The following KLF17 variants were observed in gnomAD, a reference collection of about 807,000 sequenced individuals.
KLF17 encodes the protein KLF transcription factor 17, also known as Krueppel-like factor 17.
Under a neutral mutation model 34.2 loss-of-function variants are expected in KLF17, and 31 were observed. The observed-to-expected ratio is 0.91, with a 90% confidence interval of 0.68 to 1.22. The LOEUF (loss-of-function observed/expected upper bound fraction) is 1.22, where lower values mean the gene tolerates loss of function less well. Among genes scored for constraint, KLF17 ranks in the 50% most tolerant of loss-of-function variants. KLF17 has a pLI of 0.00. For synonymous variants in KLF17, 179 were observed against 186.7 expected (o/e 0.96, Z 0.34); for missense variants, 478 against 505.2 (o/e 0.95, Z 0.52).
the KLF17 span, among the ~76,000 whole-genome samples, chr1:44,065,405 GT>G: frequency 0.031 from 3,665 of 118,988 alleles, 43 homozygotes; most frequent in African/African-American, 0.12. Flanking sequence ...ATAATCCTTG[GT>G]TTTTTTTTTT....
intron 1 of KLF17, chr1:44,122,225 T>C (rs1384384605): frequency 4.4e-6 from 7 of 1,604,102 alleles, no homozygotes; most frequent in African/African-American, 2.7e-5. Context: ...TGCCTCTTCC[T>C]GCAACAGCTT....
At chr1:44,087,769 T>TACACACAC in the KLF17 span, among the ~76,000 whole-genome samples, 2 of 52,286 alleles carry the variant, frequency 3.8e-5, no homozygotes, top group East Asian at 5.2e-4. Context: ...TATATATATA[T>TACACACAC]ACACACACAC....
rs2088098849 is a variant in KLF17, at chr1:44,130,722, G to T, written c.1136G>T (p.Gly379Val). The T allele has an allele frequency of 1.2e-6, 2 of 1,612,822 alleles. No individual in the cohort carries two copies. The highest frequency in any genetic ancestry group is 1.7e-6 in the Non-Finnish European group (2 of 1,179,066). Reference sequence around the variant, plus strand: ...GACCCACAGGCCAACAACAACAATGGAGAGCAGGACAGTCCTCCTGCTGCT... The same window carrying T: ...GACCCACAGGCCAACAACAACAATGTAGAGCAGGACAGTCCTCCTGCTGCT... ...PSDPQANNNN[G>V]EQDSPPAAGP Residue 379 changes from glycine (G) to valine (V), a missense_variant, in exon 3 of 4, where the codon GGA (glycine) becomes GTA (valine). Transcript: ENST00000372299.
chr1:44,098,498 A>G, the KLF17 span, among the ~76,000 whole-genome samples: 2 of 142,768 alleles, frequency 1.4e-5, no homozygotes, highest in Non-Finnish European at 3.1e-5. Context: ...AAAAAAGATT[A>G]TTTTTAAATC....
At chr1:44,057,183 GC>G in the KLF17 span, among the ~76,000 whole-genome samples, 2 of 152,184 alleles carry the variant, frequency 1.3e-5, no homozygotes, top group East Asian at 3.9e-4. Flanking sequence ...TGAGACAAAA[GC>G]TTTGCCTCCC....
chr1:44,101,955 G>A, the KLF17 span, among the ~76,000 whole-genome samples: 33 of 152,168 alleles, frequency 2.2e-4, no homozygotes, highest in Non-Finnish European at 4.4e-4. Flanking sequence ...TCAGGTGGCT[G>A]AGGTGGGAGG....
chr1:44,051,628 T>A, the KLF17 span: 7 of 152,292 alleles, frequency 4.6e-5, no homozygotes, highest in African/African-American at 1.7e-4. Flanking sequence ...GTCACCCTTT[T>A]CCCTGATTGT....
the KLF17 span, among the ~76,000 whole-genome samples, chr1:44,073,515 A>G: frequency 3.3e-5 from 5 of 151,816 alleles, no homozygotes; most frequent in African/African-American, 1.2e-4. Context: ...CCATGACAGT[A>G]TTTTTTTTCA....
the KLF17 span, among the ~76,000 whole-genome samples, chr1:44,051,928 G>T: frequency 6.6e-6 from 1 of 151,988 alleles, no homozygotes; most frequent in Non-Finnish European, 1.5e-5. Context: ...TTTCAGCATT[G>T]GTATTGCTGA....
At position 44,129,649 on chromosome 1, in the gene KLF17, T is replaced by C. The variant is rs139611389; in HGVS notation, c.378T>C (p.Ile126=). Residue 126 remains isoleucine, a synonymous_variant, in exon 2 of 4, where the codon ATT becomes ATC. Coordinates refer to ENST00000372299, the MANE Select transcript of KLF17 (RefSeq NM_173484.4). ...RMSPPQQEMT[I]FSGPQLMPVG... ...CTCCCCCTCAGCAAGAGATGACGAT[T>C]TTCAGTGGGCCCCAACTAATGCCCG... 887 of 1,614,212 alleles carry C rather than the reference T, an allele frequency of 5.5e-4. No individual in the cohort carries two copies. The highest frequency in any genetic ancestry group is 6.8e-4 in the Non-Finnish European group (797 of 1,180,030).
At chr1:44,118,616 C>T (rs934455904), upstream of KLF17, among the ~76,000 whole-genome samples, 7 of 152,088 alleles carry the variant, frequency 4.6e-5, no homozygotes, top group Non-Finnish European at 1.0e-4. Flanking sequence ...TGGAATGGGT[C>T]GGTTGGGTGG....
chr1:44,132,919 A>C (rs1379429531), intron 3 of KLF17, among the ~76,000 whole-genome samples: 2 of 152,226 alleles, frequency 1.3e-5, no homozygotes, highest in Admixed American at 6.5e-5. Context: ...AACTTGGCCA[A>C]GCTATCAAGT....
chr1:44,080,453 T>TG, the KLF17 span, among the ~76,000 whole-genome samples: 1 of 151,710 alleles, frequency 6.6e-6, no homozygotes, highest in Non-Finnish European at 1.5e-5. Context: ...TTAGCCAGTA[T>TG]GGTCTCCATC....
At chr1:44,103,982 C>T in the KLF17 span, 1 of 857,778 alleles carries the variant, frequency 1.2e-6, no homozygotes, top group Non-Finnish European at 2.0e-6. Flanking sequence ...CGTACTGCGC[C>T]TTGACCTCAG....
At chr1:44,046,611 G>A in the KLF17 span, among the ~76,000 whole-genome samples, 2 of 151,846 alleles carry the variant, frequency 1.3e-5, no homozygotes, top group South Asian at 4.2e-4. Context: ...GATACTATAT[G>A]TTCTTCATTT....
Position 44,120,108 on chromosome 1 carries a change from A to G in KLF17, c.81+1120A>G, listed in dbSNP as rs574378888. Among the ~76,000 whole-genome samples the G allele has an allele frequency of 5.3e-5, 8 of 152,348 alleles. No homozygotes were observed. In the East Asian group the frequency reaches 1.3e-3, roughly 26 times the overall value. ...TTCTTGCTTGCACAATTGGGTGACA[A>G]TAGTGACATTTTCTGAGAGAGAGTG... is the stretch of plus-strand genomic sequence containing the variant. On this transcript the variant is annotated intron_variant, in intron 1 of 3. Transcript: ENST00000372299.
the KLF17 span, among the ~76,000 whole-genome samples, chr1:44,101,891 A>G: frequency 4.0e-5 from 6 of 151,818 alleles, no homozygotes; most frequent in East Asian, 1.2e-3. Flanking sequence ...ACAAACAAAC[A>G]AAACCCACAA....
the KLF17 span, among the ~76,000 whole-genome samples, chr1:44,045,724 A>G: frequency 3.3e-5 from 5 of 152,114 alleles, no homozygotes; most frequent in Non-Finnish European, 5.9e-5. Context: ...TACCCACAAC[A>G]CTATTTCACT....
the KLF17 span, among the ~76,000 whole-genome samples, chr1:44,074,106 C>T: frequency 1.3e-5 from 2 of 151,932 alleles, no homozygotes; most frequent in Non-Finnish European, 2.9e-5. Flanking sequence ...ATTTTTATTC[C>T]GTTCATCTAT....
Sources: gnomAD v4.1 joint callset for allele counts (sites outside exome capture counted in the v4.1 genomes callset) on GRCh38, gnomAD v4.1.1 for gene constraint, MANE v1.5 for transcripts, NCBI Gene and HGNC (gene_info 2026-07-23, HGNC 2026-07-21) for gene names.